Variants in PRPF31 observed in about 807,000 individuals in gnomAD.
PRPF31 encodes U4/U6 small nuclear ribonucleoprotein Prp31.
In PRPF31, 12 loss-of-function variants were observed where a neutral mutation model predicts 60.4. That is an observed-to-expected ratio of 0.20 (90% CI 0.13 to 0.32). The LOEUF (loss-of-function observed/expected upper bound fraction) is 0.32, where lower values mean the gene tolerates loss of function less well. Ranked by LOEUF, PRPF31 falls within the 10% of genes least tolerant of loss-of-function variation. The pLI is 1.00. For synonymous variants in PRPF31, 287 were observed against 287.9 expected, an observed-to-expected ratio of 1.00 and a Z score of 0.03; for missense variants, 431 against 687.1, an observed-to-expected ratio of 0.63 and a Z score of 4.17.
rs1371067824 is a variant in PRPF31 at position 54,118,596 on chromosome 19, T to C, written c.201T>C (p.Ile67=). Residue 67 remains isoleucine (I), a synonymous_variant, in exon 3 of 14, where the codon ATT becomes ATC. Coordinates refer to ENST00000321030, the MANE Select transcript of PRPF31 (RefSeq NM_015629.4). ...SKMFAEIMMK[I]EEYISKQAKA... is the part of the protein sequence containing the mutation. Reference sequence around the variant, plus strand: ...AGTTTGCTGAGATTATGATGAAGATTGAGGAGTATATCAGCAAGCAAGCCA... The same window carrying C: ...AGTTTGCTGAGATTATGATGAAGATCGAGGAGTATATCAGCAAGCAAGCCA... 1 of 1,614,016 alleles carries C rather than the reference T, an allele frequency of 6.2e-7. No individual in the cohort carries two copies. The highest frequency in any genetic ancestry group is 1.3e-5 in the African/African-American group (1 of 74,916).
In PRPF31 at chr19:54,131,506, G is replaced by C; in HGVS notation, c.*74G>C. On this transcript the variant is annotated 3_prime_UTR_variant, in exon 14 of 14. Transcript: ENST00000321030. ...CCAGTCCTTCTGAAGGGCTAGGATC[G>C]GGTTCTGGCAGGGAGAACCTGCCCT... 2 of 1,573,608 alleles carry C rather than the reference G, an allele frequency of 1.3e-6. No individual in the cohort carries two copies. The highest frequency in any genetic ancestry group is 1.7e-6 in the Non-Finnish European group (2 of 1,158,396).
chr19:54,123,770 G>A lies in PRPF31; in HGVS notation c.549G>A (p.Glu183=). 1 of 1,611,126 alleles carries A rather than the reference G, an allele frequency of 6.2e-7. No homozygotes were observed. Among genetic ancestry groups the A allele is most frequent in the Non-Finnish European group, 8.5e-7 (1 of 1,179,644 alleles). ...TTQGQQLSEE[E]LERLEEACDM... is the part of the protein sequence containing the mutation. ...GCAGGCAGCAGCTGTCGGAGGAGGA[G>A]CTGGAGCGGCTGGAGGAGGCCTGCG... The change falls in exon 7 of 14, where the codon GAG becomes GAA. Residue 183 remains glutamate, a synonymous_variant. Coordinates refer to ENST00000321030, the MANE Select transcript of PRPF31 (RefSeq NM_015629.4).
At chr19:54,128,575 T>C (rs587670755) in intron 11 of PRPF31, among the ~76,000 whole-genome samples, 198 bp downstream of exon 11, 11 of 146,202 alleles carry the variant, frequency 7.5e-5, no homozygotes, top group African/African-American at 1.5e-4. Flanking sequence ...TTGGAGCCTG[T>C]GTCTCCGCTG....
chr19:54,129,806 T>C (rs1305656397), intron 13 of PRPF31, among the ~76,000 whole-genome samples: 1 of 151,274 alleles, frequency 6.6e-6, no homozygotes, highest in Non-Finnish European at 1.5e-5. Flanking sequence ...GCGTGGAGCA[T>C]GGCAGTCACC....
chr19:54,122,780 C>T (rs2073824996), intron 5 of PRPF31, 186 bp downstream of exon 5: 1 of 671,844 alleles, frequency 1.5e-6, no homozygotes, highest in Admixed American at 2.1e-5. Flanking sequence ...GGCTCCCCTC[C>T]AACCCCAGTC....
At chr19:54,126,445 A>G (rs1353744613) in intron 8 of PRPF31, 83 bp from the exon 9 acceptor site, 17 of 1,337,406 alleles carry the variant, frequency 1.3e-5, no homozygotes, top group Non-Finnish European at 1.8e-5. Context: ...GTAGAGCCAG[A>G]GGAGGAGCGC....
At chr19:54,121,674 A>T (rs1238011284) in intron 3 of PRPF31, among the ~76,000 whole-genome samples, 186 bp from the exon 4 acceptor site, 1 of 152,080 alleles carries the variant, frequency 6.6e-6, no homozygotes, top group African/African-American at 2.4e-5. Flanking sequence ...ACTGGTGTGG[A>T]GGGAGAGGGA....
chr19:54,128,068 C>T lies in PRPF31; in HGVS notation c.946-5C>T, dbSNP rs1287593476. The T allele has an allele frequency of 1.3e-5, 20 of 1,548,552 alleles. No individual in the cohort carries two copies. In the Admixed American group the frequency reaches 3.5e-4, roughly 27 times the overall value. ...GCTGCAGGACCTCCCCCTCGCCCTC[C>T]CCAGGTGGGCTACGAACTGAAGGAT... On this transcript the variant is annotated splice_region_variant and splice_polypyrimidine_tract_variant and intron_variant, in intron 9 of 13. Transcript: ENST00000321030.
chr19:54,121,236 G>A (rs773856039), intron 3 of PRPF31, among the ~76,000 whole-genome samples: 6 of 152,004 alleles, frequency 3.9e-5, no homozygotes, highest in Non-Finnish European at 8.8e-5. Flanking sequence ...CCAGGAGGCG[G>A]AGGTTGCAGT....
intron 4 of PRPF31, 169 bp downstream of exon 4, chr19:54,122,112 A>T: frequency 1.3e-6 from 1 of 769,502 alleles, no homozygotes; most frequent in Non-Finnish European, 2.2e-6. Context: ...TCTCTCGCGT[A>T]TGAGTCTGAG....
In PRPF31 at chr19:54,118,377, G is replaced by A; in HGVS notation, c.99G>A (p.Glu33=). 1 of 1,614,130 alleles carries A rather than the reference G, an allele frequency of 6.2e-7. No homozygotes were observed. The highest frequency in any genetic ancestry group is 8.5e-7 in the Non-Finnish European group (1 of 1,180,024). The change falls in exon 2 of 14, where the codon GAG becomes GAA. Residue 33 remains glutamate, a synonymous_variant. Transcript: ENST00000321030. ...YGEEEEEPAI[E]DVQEETQLDL... is the part of the protein sequence containing the mutation. The stretch of plus-strand genomic sequence containing the variant: ...AGGAAGAAGAGGAGCCAGCGATCGA[G>A]GATGTGCAGGAGGAGACACAGCTGG...
intron 3 of PRPF31, among the ~76,000 whole-genome samples, chr19:54,119,070 A>G (rs1212725459): frequency 6.6e-6 from 1 of 152,162 alleles, no homozygotes; most frequent in African/African-American, 2.4e-5. Context: ...CTGTATAAAA[A>G]TAGATATATA....
At position 54,122,516 on chromosome 19, in the gene PRPF31, C is replaced by G; in HGVS notation, c.342C>G (p.Ile114Met). 1.2e-6 allele frequency: 2 copies of G among 1,613,774 alleles called. No individual in the cohort carries two copies. Among genetic ancestry groups the G allele is most frequent in the Non-Finnish European group, 1.7e-6 (2 of 1,179,630 alleles). ...CCCTAGACATCATCCATAAGTTCAT[C>G]CGGGATAAGTACTCAAAGAGATTCC... Reference protein sequence around the residue: ...ENELNIIHKFIRDKYSKRFPE... With the variant: ...ENELNIIHKFMRDKYSKRFPE... The change falls in exon 5 of 14, where the codon ATC becomes ATG. Residue 114 changes from isoleucine (I) to methionine (M), a missense_variant. This residue lies in a region of PRPF31 where 113 missense variants were observed against 173.8 expected (regional missense o/e 0.65). Transcript: ENST00000321030.
rs2146458522 is a variant in PRPF31 at position 54,131,500 on chromosome 19, A to G, written c.*68A>G. The G allele has an allele frequency of 6.3e-7, 1 of 1,586,858 alleles. No homozygotes were observed. Among genetic ancestry groups the G allele is most frequent in the Non-Finnish European group, 8.6e-7 (1 of 1,165,626 alleles). On this transcript the variant is annotated 3_prime_UTR_variant, in exon 14 of 14. Transcript: ENST00000321030. ...AGAGGTCCAGTCCTTCTGAAGGGCT[A>G]GGATCGGGTTCTGGCAGGGAGAACC...
At chr19:54,131,257 G>A in intron 13 of PRPF31, 50 bp from the exon 14 acceptor site, 1 of 1,610,454 alleles carries the variant, frequency 6.2e-7, no homozygotes, top group African/African-American at 1.3e-5. Flanking sequence ...GGTCACAGTT[G>A]GGGCCTTCTC....
chr19:54,119,275 A>G (rs908539180), intron 3 of PRPF31, among the ~76,000 whole-genome samples: 8 of 151,684 alleles, frequency 5.3e-5, no homozygotes, highest in Non-Finnish European at 7.4e-5. Flanking sequence ...CCAGCTACTC[A>G]GGAGGCTGAG....
intron 1 of PRPF31, among the ~76,000 whole-genome samples, chr19:54,116,075 G>A (rs2073625669): frequency 6.7e-6 from 1 of 148,356 alleles, no homozygotes; most frequent in South Asian, 2.1e-4. Context: ...ACTAATTTTT[G>A]TATTTTTAGT....
At chr19:54,130,690 G>A (rs1284809600) in intron 13 of PRPF31, among the ~76,000 whole-genome samples, 3 of 152,006 alleles carry the variant, frequency 2.0e-5, no homozygotes, top group Non-Finnish European at 4.4e-5. Context: ...AGGTGGGACA[G>A]GGGAGGCTCT....
intron 13 of PRPF31, among the ~76,000 whole-genome samples, chr19:54,129,837 T>G (rs955300135): frequency 6.6e-6 from 1 of 151,670 alleles, no homozygotes; most frequent in Non-Finnish European, 1.5e-5. Flanking sequence ...AGCCTCGGTT[T>G]ACCATCCACA....
Sources: allele counts gnomAD v4.1 joint callset (sites outside exome capture counted in the v4.1 genomes callset), GRCh38; gene constraint gnomAD v4.1.1; regional missense constraint gnomAD v4.1.1; transcripts MANE v1.5; gene names NCBI Gene and HGNC (gene_info 2026-07-23, HGNC 2026-07-21).